Variants in CFAP20DC observed in about 807,000 individuals in gnomAD.
The protein encoded by CFAP20DC is protein CFAP20DC.
In CFAP20DC, 84 loss-of-function variants were observed where a neutral mutation model predicts 101.7. The ratio of observed to expected loss-of-function variants is 0.83; its 90% CI spans 0.69 to 0.99. The LOEUF is 0.99. Among genes scored for constraint, CFAP20DC ranks in the 50% least tolerant of loss-of-function variants. CFAP20DC has a pLI of 0.00. For missense variants in CFAP20DC, 1,007 were observed against 970.3 expected (o/e 1.04, Z -0.50); for synonymous variants, 359 against 351.2 (o/e 1.02, Z -0.25).
At chr3:58,852,121 G>T (rs952922366) in intron 12 of CFAP20DC, among the ~76,000 whole-genome samples, 6 of 151,966 alleles carry the variant, frequency 3.9e-5, no homozygotes, top group Admixed American at 3.9e-4. Context: ...CAACCTCTTA[G>T]TAGCCATTGC....
At chr3:58,877,528 T>C (rs1002175258) in intron 7 of CFAP20DC, among the ~76,000 whole-genome samples, 6 of 152,216 alleles carry the variant, frequency 3.9e-5, no homozygotes, top group African/African-American at 1.2e-4. Context: ...TGTGGTGTTA[T>C]GATTTCATGA....
intron 4 of CFAP20DC, among the ~76,000 whole-genome samples, chr3:59,026,402 G>A (rs955993693): frequency 2.6e-5 from 4 of 152,038 alleles, no homozygotes; most frequent in African/African-American, 9.7e-5. Context: ...CTTTGCATTT[G>A]GTTAACATCT....
At chr3:58,975,840 G>T (rs1037072946) in intron 4 of CFAP20DC, among the ~76,000 whole-genome samples, 1 of 151,862 alleles carries the variant, frequency 6.6e-6, no homozygotes, top group African/African-American at 2.4e-5. Context: ...GGAACAGGGA[G>T]TAGCTCTGAG....
At chr3:58,807,246 A>C (rs2074161409) in intron 14 of CFAP20DC, among the ~76,000 whole-genome samples, 2 of 152,168 alleles carry the variant, frequency 1.3e-5, no homozygotes. Context: ...AGATCTGAGA[A>C]TGGGCAGACT....
intron 14 of CFAP20DC, among the ~76,000 whole-genome samples, chr3:58,816,261 C>G (rs1399574038): frequency 6.6e-6 from 1 of 152,086 alleles, no homozygotes; most frequent in South Asian, 2.1e-4. Flanking sequence ...ATCGCAAGAA[C>G]AAAAAACCAA....
intron 14 of CFAP20DC, among the ~76,000 whole-genome samples, chr3:58,808,952 T>C (rs1432393902): frequency 6.6e-6 from 1 of 151,564 alleles, no homozygotes; most frequent in African/African-American, 2.4e-5. Context: ...CCAACAAAGA[T>C]CAAAAGAGAC....
At chr3:59,039,676 T>G (rs2094163906) in intron 3 of CFAP20DC, 47 bp from the exon 4 acceptor site, 2 of 1,192,738 alleles carry the variant, frequency 1.7e-6, no homozygotes, top group Non-Finnish European at 2.4e-6. Flanking sequence ...AGCATTTATA[T>G]GTGCATATAA....
At chr3:58,858,810 C>T (rs2079031979) in intron 12 of CFAP20DC, among the ~76,000 whole-genome samples, 1 of 152,164 alleles carries the variant, frequency 6.6e-6, no homozygotes, top group Non-Finnish European at 1.5e-5. Context: ...TGTGGATTGA[C>T]AGCACCTTTT....
At chr3:58,999,135 G>A (rs2093230045) in intron 4 of CFAP20DC, among the ~76,000 whole-genome samples, 2 of 152,222 alleles carry the variant, frequency 1.3e-5, no homozygotes, top group South Asian at 2.1e-4. Context: ...AAATGTGATA[G>A]AGCTGCAGAT....
intron 4 of CFAP20DC, among the ~76,000 whole-genome samples, chr3:59,000,963 G>C (rs1696140788): frequency 6.6e-6 from 1 of 151,996 alleles, no homozygotes; most frequent in Admixed American, 6.6e-5. Flanking sequence ...AAGAAAACTT[G>C]ATAGGGGGAA....
intron 4 of CFAP20DC, among the ~76,000 whole-genome samples, chr3:58,978,788 G>C (rs1248486403): frequency 6.6e-6 from 1 of 151,508 alleles, no homozygotes; most frequent in Non-Finnish European, 1.5e-5. Context: ...TTCTGGACTT[G>C]GGGCTTCCTA....
intron 4 of CFAP20DC, among the ~76,000 whole-genome samples, chr3:59,028,484 T>C (rs2109059063): frequency 6.6e-6 from 1 of 152,330 alleles, no homozygotes; most frequent in Non-Finnish European, 1.5e-5. Flanking sequence ...TATAAAAGGC[T>C]TAGCTCTTTC....
intron 7 of CFAP20DC, among the ~76,000 whole-genome samples, chr3:58,877,579 T>A (rs950987007): frequency 6.6e-6 from 1 of 152,218 alleles, no homozygotes; most frequent in African/African-American, 2.4e-5. Context: ...TTTAGAGATC[T>A]GTCCATGCTC....
intron 15 of CFAP20DC, among the ~76,000 whole-genome samples, chr3:58,755,931 T>C (rs932950008): frequency 1.3e-5 from 2 of 152,174 alleles, no homozygotes; most frequent in African/African-American, 4.8e-5. Flanking sequence ...CATTTTTAAA[T>C]GGTTAAAAAA....
chr3:58,863,833 A>G lies in CFAP20DC; in HGVS notation c.1318T>C (p.Ser440Pro), dbSNP rs2079450246. 3.7e-6 allele frequency: 6 copies of G among 1,614,142 alleles called. No homozygotes were observed. The highest frequency in any genetic ancestry group is 4.2e-6 in the Non-Finnish European group (5 of 1,179,984). The change falls in exon 12 of 17, where the codon TCT becomes CCT. Residue 440 changes from serine (S) to proline (P), a missense_variant. Coordinates refer to ENST00000482387, the MANE Select transcript of CFAP20DC (RefSeq NM_001394063.1). This position sits in a 1 kb window ranked among gnomAD's most constrained non-coding sequence, Gnocchi z 5.9. ...CAGGAGTCATCACCCAGAAGTAGAG[A>G]CTGTCTGCTGGATGCCAGATATGAA... ...HISYLASSRQ[S>P]LLLGDDSCNP...
chr3:58,738,128 G>A (rs115327401), downstream of CFAP20DC, among the ~76,000 whole-genome samples: 328 of 152,256 alleles, frequency 2.2e-3, 3 homozygotes, highest in African/African-American at 7.7e-3. This position sits in a 1 kb window ranked among gnomAD's most constrained non-coding sequence, Gnocchi z 4.4. Flanking sequence ...AATGATGTAC[G>A]AAATAGAAAT....
chr3:58,946,967 C>T (rs1395977614), intron 4 of CFAP20DC, among the ~76,000 whole-genome samples: 1 of 152,168 alleles, frequency 6.6e-6, no homozygotes, highest in Non-Finnish European at 1.5e-5. Flanking sequence ...TTACATTTTA[C>T]CAATGTAGTG....
At chr3:58,931,647 G>C (rs2107674771) in intron 5 of CFAP20DC, among the ~76,000 whole-genome samples, 1 of 143,472 alleles carries the variant, frequency 7.0e-6, no homozygotes, top group Non-Finnish European at 1.5e-5. Context: ...CACCGCTGCG[G>C]ATACCCAGGC....
At chr3:58,983,856 G>A (rs1251485602) in intron 4 of CFAP20DC, among the ~76,000 whole-genome samples, 1 of 152,098 alleles carries the variant, frequency 6.6e-6, no homozygotes, top group Non-Finnish European at 1.5e-5. Flanking sequence ...ACCTACCTAG[G>A]ATCACATGGC....
Sources: gnomAD v4.1 joint callset for allele counts (sites outside exome capture counted in the v4.1 genomes callset) on GRCh38, gnomAD v4.1.1 for gene constraint, Gnocchi (gnomAD v3.1) non-coding constraint, MANE v1.5 for transcripts, NCBI Gene and HGNC (gene_info 2026-07-23, HGNC 2026-07-21) for gene names.